Variants in MAST4 observed in about 807,000 individuals in gnomAD.
MAST4 encodes the protein microtubule-associated serine/threonine-protein kinase 4.
In MAST4, 89 loss-of-function variants were observed where a neutral mutation model predicts 162.7. The ratio of observed to expected loss-of-function variants is 0.55; its 90% CI spans 0.46 to 0.65. The LOEUF (loss-of-function observed/expected upper bound fraction) is 0.65, where lower values mean the gene tolerates loss of function less well. Ranked by LOEUF, MAST4 falls within the 30% of genes least tolerant of loss-of-function variation. MAST4 has a pLI of 0.00. For missense variants in MAST4, 3,153 were observed against 3,374.0 expected, an observed-to-expected ratio of 0.93 and a Z score of 1.62; for synonymous variants, 1,479 against 1,361.1, an observed-to-expected ratio of 1.09 and a Z score of -1.91.
At chr5:66,806,707 A>G (rs1756205592) in intron 3 of MAST4, among the ~76,000 whole-genome samples, 1 of 152,252 alleles carries the variant, frequency 6.6e-6, no homozygotes. Context: ...AAAATCATGC[A>G]TAATATACAA....
rs1241966502 is a variant in MAST4, at chr5:66,990,038, ACAGATC to A, written c.675-64365_675-64360del. Among the ~76,000 whole-genome samples, 8 of 152,334 alleles carry A rather than the reference ACAGATC, an allele frequency of 5.3e-5. No individual in the cohort carries two copies. In the East Asian group the frequency reaches 1.5e-3, roughly 29 times the overall value. On this transcript the variant is annotated intron_variant, in intron 4 of 28. Coordinates refer to ENST00000403625, the MANE Select transcript of MAST4 (RefSeq NM_001164664.2). ...GAGACTTAGAATTTGCCAGCTGTTG[ACAGATC>A]TATGGAAGAGTCAGTGTGGTAAGAA... is the stretch of plus-strand genomic sequence containing the variant.
chr5:67,004,907 T>G, intron 4 of MAST4: 1 of 693,856 alleles, frequency 1.4e-6, no homozygotes, highest in Non-Finnish European at 2.7e-6. Flanking sequence ...TTTTTTTATT[T>G]TTGGCCTTGT....
At chr5:66,684,785 G>A (rs765009440) in intron 1 of MAST4, among the ~76,000 whole-genome samples, 27 of 152,104 alleles carry the variant, frequency 1.8e-4, no homozygotes, top group Non-Finnish European at 3.1e-4. Context: ...AGAGGAAGAG[G>A]GGTCACTGTC....
Position 67,164,029 on chromosome 5 carries a change from A to T in MAST4, c.4850A>T (p.Glu1617Val). The T allele has an allele frequency of 6.3e-7, 1 of 1,586,262 alleles. No individual in the cohort carries two copies. ...AAGCAGGCCAGCGTGCGCGCCAGCG[A>T]GGGTGCGATGTCGGATGGCCGGGTG... The part of the protein sequence containing the change: ...LHKQASVRAS[E>V]GAMSDGRVPA... The change falls in exon 29 of 29, where the codon GAG becomes GTG. Residue 1617 changes from glutamate (E) to valine (V), a missense_variant. Physicochemically the swap from Glu to Val is moderately radical, Grantham distance 121. Transcript: ENST00000403625. The surrounding 1 kb of genome is among the most constrained non-coding windows in gnomAD (Gnocchi z 5.3).
intron 14 of MAST4, among the ~76,000 whole-genome samples, chr5:67,129,280 G>T (rs1345810872): frequency 1.3e-5 from 2 of 152,128 alleles, no homozygotes; most frequent in South Asian, 2.1e-4. Flanking sequence ...ACCCTTTGTT[G>T]CAGGACAGCC....
intron 4 of MAST4, among the ~76,000 whole-genome samples, chr5:66,980,216 G>A (rs959329123): frequency 6.6e-6 from 1 of 152,192 alleles, no homozygotes. Context: ...GTCAAGGATG[G>A]CCTGGTGAGT....
intron 12 of MAST4, 112 bp from the exon 13 acceptor site, chr5:67,118,570 A>G (rs2150943150): frequency 1.5e-6 from 1 of 675,354 alleles, no homozygotes; most frequent in Non-Finnish European, 2.5e-6. Context: ...ACATTGGAGT[A>G]TAGAGCAATT....
chr5:66,685,665 C>T (rs765198094), intron 1 of MAST4, among the ~76,000 whole-genome samples: 10 of 152,040 alleles, frequency 6.6e-5, no homozygotes, highest in Non-Finnish European at 1.3e-4. Context: ...TGAGTCGTCT[C>T]GGGGAACCAT....
chr5:67,042,239 C>T (rs1561566802), intron 4 of MAST4, among the ~76,000 whole-genome samples: 1 of 152,144 alleles, frequency 6.6e-6, no homozygotes, highest in Non-Finnish European at 1.5e-5. Context: ...GGTGGTGCTA[C>T]GTTGGCAAGT....
intron 1 of MAST4, among the ~76,000 whole-genome samples, chr5:66,618,183 G>C (rs1480574834): frequency 6.6e-6 from 1 of 152,206 alleles, no homozygotes; most frequent in Admixed American, 6.5e-5. Context: ...CCTGCCCACG[G>C]CCTTTTCTGC....
At chr5:66,774,723 G>C (rs1215138192) in intron 2 of MAST4, among the ~76,000 whole-genome samples, 1 of 152,118 alleles carries the variant, frequency 6.6e-6, no homozygotes, top group Non-Finnish European at 1.5e-5. Flanking sequence ...GATAAAATAT[G>C]GGGTATCCAA....
intron 21 of MAST4, among the ~76,000 whole-genome samples, chr5:67,143,264 G>C (rs1343483016): frequency 3.0e-5 from 3 of 98,722 alleles, no homozygotes; most frequent in African/African-American, 9.5e-5. Flanking sequence ...TCCACAAAAA[G>C]GAAAAAAAAA....
At chr5:67,018,093 C>T (rs1753531129) in intron 4 of MAST4, among the ~76,000 whole-genome samples, 1 of 151,994 alleles carries the variant, frequency 6.6e-6, no homozygotes. Context: ...ACTGTGTCAT[C>T]CTCTTTAAAA....
At chr5:66,852,642 C>T (rs1580657456) in intron 3 of MAST4, among the ~76,000 whole-genome samples, 1 of 152,212 alleles carries the variant, frequency 6.6e-6, no homozygotes, top group East Asian at 1.9e-4. Flanking sequence ...AACTGAAATT[C>T]ATTTAGACTG....
intron 1 of MAST4, among the ~76,000 whole-genome samples, chr5:66,676,352 A>G (rs1448494831): frequency 6.6e-6 from 1 of 152,188 alleles, no homozygotes; most frequent in Non-Finnish European, 1.5e-5. Context: ...TGTGACCACT[A>G]CTTGGGGCCA....
At chr5:66,764,193 T>G (rs1303697796) in intron 2 of MAST4, among the ~76,000 whole-genome samples, 1 of 152,224 alleles carries the variant, frequency 6.6e-6, no homozygotes, top group African/African-American at 2.4e-5. Context: ...TGGGCCCTAC[T>G]GGGCTTGGTT....
chr5:66,804,011 T>G (rs1252339398), intron 3 of MAST4, among the ~76,000 whole-genome samples: 1 of 152,128 alleles, frequency 6.6e-6, no homozygotes, highest in African/African-American at 2.4e-5. Flanking sequence ...TTTCTTTTGC[T>G]ATTAAGTGCT....
intron 1 of MAST4, among the ~76,000 whole-genome samples, chr5:66,673,072 T>C (rs1266923208): frequency 6.6e-6 from 1 of 152,202 alleles, no homozygotes; most frequent in Non-Finnish European, 1.5e-5. Flanking sequence ...GCATATTATT[T>C]TGTGTGTGTG....
intron 3 of MAST4, among the ~76,000 whole-genome samples, chr5:66,807,564 A>G (rs1756257867): frequency 6.6e-6 from 1 of 151,390 alleles, no homozygotes; most frequent in Non-Finnish European, 1.5e-5. Flanking sequence ...TTGTGCTTTC[A>G]TATAGTAGGT....
Sources: gnomAD v4.1 joint callset for allele counts (sites outside exome capture counted in the v4.1 genomes callset) on GRCh38, gnomAD v4.1.1 for gene constraint, Gnocchi (gnomAD v3.1) non-coding constraint, MANE v1.5 for transcripts, NCBI Gene and HGNC (gene_info 2026-07-23, HGNC 2026-07-21) for gene names.